The following XYLB variants were observed in gnomAD, a reference collection of about 807,000 sequenced individuals.
The protein encoded by XYLB is xylulokinase.
A neutral mutation model predicts 78.7 loss-of-function variants in XYLB; 62 were observed. That is an observed-to-expected ratio of 0.79 (90% confidence interval 0.64 to 0.97). The LOEUF is 0.97. XYLB is among the 50% of genes least tolerant of loss of function. The pLI, the probability that XYLB is intolerant of heterozygous loss-of-function variation, is 0.00. For synonymous variants in XYLB, 245 were observed against 247.4 expected (o/e 0.99, Z 0.09); for missense variants, 687 against 676.8 (o/e 1.02, Z -0.17).
chr3:38,396,372 C>T (rs1707868693), intron 16 of XYLB, among the ~76,000 whole-genome samples: 1 of 152,186 alleles, frequency 6.6e-6, no homozygotes, highest in South Asian at 2.1e-4. Context: ...CTGATTTTAC[C>T]TTGGGACAAG....
chr3:38,426,572 C>T, the XYLB span, among the ~76,000 whole-genome samples: 2 of 152,292 alleles, frequency 1.3e-5, no homozygotes, highest in Admixed American at 6.5e-5. Context: ...CACTTGGAGG[C>T]TCTGCAATTT....
chr3:38,411,601 G>T (rs1708590573), intron 18 of XYLB, among the ~76,000 whole-genome samples: 1 of 150,910 alleles, frequency 6.6e-6, no homozygotes, highest in African/African-American at 2.4e-5. Flanking sequence ...TAGTACAGTT[G>T]CTTTTAGTTT....
At chr3:38,435,038 G>T in the XYLB span, among the ~76,000 whole-genome samples, 1 of 152,116 alleles carries the variant, frequency 6.6e-6, no homozygotes. Flanking sequence ...TTGGGTGGCT[G>T]AGGCTGAGAA....
At chr3:38,371,430 C>T (rs147694443) in intron 9 of XYLB, among the ~76,000 whole-genome samples, 2,202 of 152,246 alleles carry the variant, frequency 0.014, 72 homozygotes, top group African/African-American at 0.051. Flanking sequence ...CCCGCCACCA[C>T]GCCTGGCTAA....
intron 9 of XYLB, chr3:38,372,311 C>CTTTT: frequency 1.4e-6 from 1 of 693,152 alleles, no homozygotes; most frequent in Non-Finnish European, 1.8e-6. Flanking sequence ...GTCCTGTTAC[C>CTTTT]TTTTTTTTTT....
At chr3:38,368,094 A>ATT in intron 7 of XYLB, 91 bp from the exon 8 acceptor site, 1 of 1,281,312 alleles carries the variant, frequency 7.8e-7, no homozygotes, top group Non-Finnish European at 1.1e-6. Context: ...TCCCTCTCCA[A>ATT]TTTTTTTTCA....
At chr3:38,406,116 G>A (rs1001036454) in intron 18 of XYLB, among the ~76,000 whole-genome samples, 1 of 152,240 alleles carries the variant, frequency 6.6e-6, no homozygotes, top group Admixed American at 6.5e-5. Flanking sequence ...CCCCCGAGCA[G>A]CCTACCTGGG....
At position 38,376,900 on chromosome 3, in the gene XYLB, T is replaced by C. The variant is rs1706885682; in HGVS notation, c.1121-18T>C. 2 of 1,609,218 alleles carry C rather than the reference T, an allele frequency of 1.2e-6. No homozygotes were observed. Among genetic ancestry groups the C allele is most frequent in the African/African-American group, 1.3e-5 (1 of 74,804 alleles). Reference sequence around the variant, plus strand: ...TTTTTGACTAATGACGGCTGATCTCTTCCTGGTTTTATTTCAGGTTTTTAT... The same window carrying C: ...TTTTTGACTAATGACGGCTGATCTCCTCCTGGTTTTATTTCAGGTTTTTAT... On this transcript the variant is annotated intron_variant, in intron 13 of 18. Coordinates refer to ENST00000207870, the MANE Select transcript of XYLB (RefSeq NM_005108.4).
intron 9 of XYLB, among the ~76,000 whole-genome samples, chr3:38,371,676 C>T (rs940021727): frequency 2.0e-5 from 3 of 152,184 alleles, no homozygotes; most frequent in Non-Finnish European, 4.4e-5. Context: ...GTGTGAACCA[C>T]CGTGCTCGGC....
intron 17 of XYLB, among the ~76,000 whole-genome samples, chr3:38,397,865 T>C (rs1302323774): frequency 3.3e-5 from 5 of 149,502 alleles, no homozygotes; most frequent in Non-Finnish European, 7.4e-5. Flanking sequence ...TGTCACCAGG[T>C]TGGAGTGCAG....
the XYLB span, among the ~76,000 whole-genome samples, chr3:38,448,258 G>T: frequency 8.5e-5 from 13 of 152,248 alleles, no homozygotes; most frequent in African/African-American, 3.1e-4. Context: ...GTGGGTGGGT[G>T]AAGAGAACTG....
rs766032616 is a variant in XYLB at position 38,397,106 on chromosome 3, T to C, written c.1385T>C (p.Val462Ala). 3.1e-6 allele frequency: 5 copies of C among 1,614,004 alleles called. No individual in the cohort carries two copies. Among genetic ancestry groups the C allele is most frequent in the Admixed American group, 3.3e-5 (2 of 59,990 alleles). The part of the protein sequence containing the change: ...LADVFDAPVY[V>A]IDTANSACVG... The stretch of plus-strand genomic sequence containing the variant: ...GATGTGTTTGATGCCCCGGTGTATG[T>C]TATAGACACTGCCAACTCGGCCTGT... The change falls in exon 17 of 19, where the codon GTT becomes GCT. Residue 462 changes from valine (V) to alanine (A), a missense_variant. Transcript: ENST00000207870.
chr3:38,393,458 TC>T (rs1395796940), intron 15 of XYLB, among the ~76,000 whole-genome samples: 2 of 152,236 alleles, frequency 1.3e-5, no homozygotes, highest in South Asian at 4.1e-4. Context: ...CACTCCTGTT[TC>T]TACTTCATGG....
chr3:38,392,584 A>G (rs376781557), intron 15 of XYLB, among the ~76,000 whole-genome samples: 41 of 152,178 alleles, frequency 2.7e-4, no homozygotes, highest in African/African-American at 9.9e-4. Flanking sequence ...GGCGTGAGCC[A>G]CCGTGCCTGG....
chr3:38,425,132 GT>G (rs1709075150), downstream of XYLB, among the ~76,000 whole-genome samples: 2 of 152,146 alleles, frequency 1.3e-5, no homozygotes, highest in South Asian at 4.1e-4. Context: ...ATGTTCCCTC[GT>G]TTGGGAGACT....
intron 15 of XYLB, among the ~76,000 whole-genome samples, chr3:38,380,446 T>C (rs1445912291): frequency 6.6e-6 from 1 of 152,158 alleles, no homozygotes; most frequent in Non-Finnish European, 1.5e-5. Context: ...GATGTATTTG[T>C]CTCTCTGGGC....
Position 38,353,822 on chromosome 3 carries a change from G to A in XYLB, c.140+5190G>A, listed in dbSNP as rs559443894. 2.6e-3 allele frequency among the ~76,000 whole-genome samples: 379 copies of A among 148,016 alleles called. 1 individual carries two copies. Among genetic ancestry groups the A allele is most frequent in the African/African-American group, 8.8e-3 (354 of 40,360 alleles). ...GAATCACCTGAACCTGGGAGGCAGA[G>A]GTTGCAGTGAGCTGAGATTGTGCCA... On this transcript the variant is annotated intron_variant, in intron 2 of 18. Coordinates refer to ENST00000207870, the MANE Select transcript of XYLB (RefSeq NM_005108.4).
rs758364123 is a variant in XYLB at position 38,397,154 on chromosome 3, T to C, written c.1433T>C (p.Phe478Ser). 32 of 1,613,940 alleles carry C rather than the reference T, an allele frequency of 2.0e-5. 1 individual carries two copies. The South Asian group carries it at 3.3e-4, about 17-fold the overall frequency. The change falls in exon 17 of 19, where the codon TTT becomes TCT. Residue 478 changes from phenylalanine (F) to serine (S), a missense_variant. Physicochemically the swap from Phe to Ser is radical, Grantham distance 155 (BLOSUM62 -2). Transcript: ENST00000207870. ...SACVGSAYRA[F>S]HGLAGGTDVP... Reference sequence around the variant, plus strand: ...TGTGTGGGTTCTGCATACCGAGCTTTTCATGGTAGGTTGATGGAGGGAGAC... The same window carrying C: ...TGTGTGGGTTCTGCATACCGAGCTTCTCATGGTAGGTTGATGGAGGGAGAC...
At chr3:38,436,559 A>C in the XYLB span, among the ~76,000 whole-genome samples, 1 of 152,164 alleles carries the variant, frequency 6.6e-6, no homozygotes, top group African/African-American at 2.4e-5. Flanking sequence ...ATTCTCCCTA[A>C]CTCATTCTAT....
Sources: gnomAD v4.1 joint callset for allele counts (sites outside exome capture counted in the v4.1 genomes callset) on GRCh38, gnomAD v4.1.1 for gene constraint, MANE v1.5 for transcripts, NCBI Gene and HGNC (gene_info 2026-07-23, HGNC 2026-07-21) for gene names.